MCC: variants seen among roughly 807,000 people sequenced by gnomAD.
MCC encodes the protein colorectal mutant cancer protein.
A neutral mutation model predicts 116.2 loss-of-function variants in MCC; 90 were observed. The ratio of observed to expected loss-of-function variants is 0.77; its 90% CI spans 0.65 to 0.92. The LOEUF is 0.92. Ranked by LOEUF, MCC falls within the 40% of genes least tolerant of loss-of-function variation. MCC has a pLI of 0.00. For missense variants in MCC, 1,516 were observed against 1,312.2 expected (o/e 1.16, Z -2.40); for synonymous variants, 578 against 510.5 (o/e 1.13, Z -1.78).
At chr5:113,077,350 T>C (rs1428869333) in intron 11 of MCC, among the ~76,000 whole-genome samples, 1 of 152,146 alleles carries the variant, frequency 6.6e-6, no homozygotes, top group Non-Finnish European at 1.5e-5. Context: ...CAACAGAATA[T>C]ACATTCTTCT....
At chr5:113,042,034 G>A (rs531202413) in intron 17 of MCC, among the ~76,000 whole-genome samples, 14 of 151,744 alleles carry the variant, frequency 9.2e-5, no homozygotes, top group Non-Finnish European at 1.5e-4. Context: ...AGGTGACCTA[G>A]GAATTTAAAA....
At chr5:113,333,846 T>TATATATACATATATGTACATATGTAC (rs1469058009) in intron 3 of MCC, among the ~76,000 whole-genome samples, 1 of 62,640 alleles carries the variant, frequency 1.6e-5, no homozygotes, top group African/African-American at 6.9e-5. Flanking sequence ...TATATATGTA[T>TATATATACATATATGTACATATGTAC]ATATGTACAT....
At chr5:113,264,350 T>A (rs1469431914) in intron 3 of MCC, among the ~76,000 whole-genome samples, 1 of 152,180 alleles carries the variant, frequency 6.6e-6, no homozygotes, top group Non-Finnish European at 1.5e-5. Flanking sequence ...GTCAAACACC[T>A]AAAGTCTGGC....
chr5:113,158,527 G>A (rs1036160494), intron 3 of MCC, among the ~76,000 whole-genome samples: 8 of 152,202 alleles, frequency 5.3e-5, no homozygotes, highest in Non-Finnish European at 1.0e-4. Context: ...TCACCAGGCA[G>A]TAATAATGAA....
At chr5:113,224,664 T>A (rs1361441453) in intron 3 of MCC, among the ~76,000 whole-genome samples, 2 of 152,252 alleles carry the variant, frequency 1.3e-5, no homozygotes, top group South Asian at 2.1e-4. Context: ...ACAACAGCTC[T>A]TCAAGCAGGA....
chr5:113,324,005 T>C (rs1380051920), intron 3 of MCC, among the ~76,000 whole-genome samples: 3 of 152,202 alleles, frequency 2.0e-5, no homozygotes, highest in East Asian at 1.9e-4. Context: ...CAGGAAAGAT[T>C]TGAAAGTATT....
intron 3 of MCC, 40 bp from the exon 4 acceptor site, chr5:113,151,462 G>A (rs973841913): frequency 8.8e-7 from 1 of 1,132,136 alleles, no homozygotes; most frequent in African/African-American, 1.5e-5. Flanking sequence ...TATTGTAGCA[G>A]AGATGTATTT....
intron 3 of MCC, among the ~76,000 whole-genome samples, chr5:113,312,793 A>C (rs1767167061): frequency 6.6e-6 from 1 of 152,240 alleles, no homozygotes; most frequent in Non-Finnish European, 1.5e-5. Flanking sequence ...TAAAATTCAT[A>C]ATCTAGTCCT....
intron 2 of MCC, among the ~76,000 whole-genome samples, chr5:113,365,454 CA>C (rs1768662516): frequency 6.6e-6 from 1 of 152,188 alleles, no homozygotes; most frequent in South Asian, 2.1e-4. Flanking sequence ...TCAGCACTGT[CA>C]TAACCATTCA....
intron 2 of MCC, among the ~76,000 whole-genome samples, chr5:113,347,272 A>G (rs1173276700): frequency 6.6e-6 from 1 of 152,184 alleles, no homozygotes; most frequent in Non-Finnish European, 1.5e-5. Context: ...AATAATGACT[A>G]CAACAACTTT....
At chr5:113,131,948 C>A (rs1010986322) in intron 5 of MCC, among the ~76,000 whole-genome samples, 5 of 152,148 alleles carry the variant, frequency 3.3e-5, no homozygotes, top group Non-Finnish European at 7.3e-5. Context: ...ACCCTCTTAT[C>A]CATACCACAA....
intron 2 of MCC, among the ~76,000 whole-genome samples, chr5:113,354,474 G>A (rs1190043039): frequency 1.1e-4 from 16 of 148,354 alleles, no homozygotes; most frequent in African/African-American, 3.3e-4. Context: ...TTGCTCTGTC[G>A]GACAGGCTGG....
rs564964732 is a variant in MCC, at chr5:113,111,922, G to C, written c.1028-7567C>G. On this transcript the variant is annotated intron_variant, in intron 6 of 18. Coordinates refer to ENST00000408903, the MANE Select transcript of MCC (RefSeq NM_001085377.2). ...AGGATCAGCTATGCCTATGCCCAGA[G>C]CTGACACCATTAACTACGGCAGAGT... 3.3e-5 allele frequency among the ~76,000 whole-genome samples: 5 copies of C among 152,322 alleles called. No homozygotes were observed. In the East Asian group the frequency reaches 9.6e-4, roughly 29 times the overall value.
intron 2 of MCC, among the ~76,000 whole-genome samples, chr5:113,364,593 G>T (rs1323202553): frequency 1.3e-5 from 2 of 152,350 alleles, no homozygotes; most frequent in South Asian, 2.1e-4. Context: ...CCCCAGTGGG[G>T]ACTTGTGTGG....
chr5:113,352,611 G>A (rs534471851), intron 2 of MCC, among the ~76,000 whole-genome samples: 3 of 152,228 alleles, frequency 2.0e-5, no homozygotes, highest in Non-Finnish European at 4.4e-5. Context: ...AAAGTTCTAT[G>A]ACTTTTCTGA....
intron 1 of MCC, among the ~76,000 whole-genome samples, chr5:113,401,998 C>T (rs1309420962): frequency 1.3e-5 from 2 of 151,556 alleles, no homozygotes; most frequent in Non-Finnish European, 2.9e-5. Flanking sequence ...TATGGGGGCA[C>T]AAAAACACAC....
intron 11 of MCC, among the ~76,000 whole-genome samples, chr5:113,075,233 G>A (rs572696152): frequency 1.4e-4 from 21 of 152,330 alleles, no homozygotes; most frequent in Middle Eastern, 3.4e-3. Flanking sequence ...GCCCGCTCGC[G>A]CCACGCTCGA....
chr5:113,150,593 G>C lies in MCC; in HGVS notation c.741+716C>G, dbSNP rs1361795856. Among the ~76,000 whole-genome samples the C allele has an allele frequency of 5.7e-5, 8 of 139,142 alleles. No individual in the cohort carries two copies. The East Asian group carries it at 9.8e-4, about 17-fold the overall frequency. The allele number at this position is 139,142 out of a possible 152,430, so 91.3% of individuals were successfully genotyped here. A position where few individuals can be genotyped will look rare whatever the true frequency, so the allele number is the denominator to read the frequency against. The stretch of plus-strand genomic sequence containing the variant: ...GATGACTACACTGGAAGGCAAAAAA[G>C]AAAGGCTAAAAACAACACATAATAC... On this transcript the variant is annotated intron_variant, in intron 4 of 18. Coordinates refer to ENST00000408903, the MANE Select transcript of MCC (RefSeq NM_001085377.2).
chr5:113,275,977 T>G (rs1262338686), intron 3 of MCC, among the ~76,000 whole-genome samples: 3 of 146,860 alleles, frequency 2.0e-5, no homozygotes, highest in South Asian at 2.2e-4. Flanking sequence ...TTTGTTTTTT[T>G]TTTTTTTTTT....
Sources: gnomAD v4.1 joint callset for allele counts (sites outside exome capture counted in the v4.1 genomes callset) on GRCh38, gnomAD v4.1.1 for gene constraint, MANE v1.5 for transcripts, NCBI Gene and HGNC (gene_info 2026-07-23, HGNC 2026-07-21) for gene names.